Variants in VPS13C observed in about 807,000 individuals in gnomAD.
The protein encoded by VPS13C is intermembrane lipid transfer protein VPS13C.
A neutral mutation model predicts 456.8 loss-of-function variants in VPS13C; 358 were observed. The observed-to-expected ratio is 0.78, with a 90% CI of 0.72 to 0.86. The LOEUF (loss-of-function observed/expected upper bound fraction) is 0.86, where lower values mean the gene tolerates loss of function less well. Ranked by LOEUF, VPS13C falls within the 40% of genes least tolerant of loss-of-function variation. The pLI, the probability that VPS13C is intolerant of heterozygous loss-of-function variation, is 0.00. For synonymous variants in VPS13C, 1,578 were observed against 1,486.7 expected (o/e 1.06, Z -1.41); for missense variants, 4,818 against 4,385.4 (o/e 1.10, Z -2.79).
At chr15:61,995,295 A>T (rs1469368469) in intron 16 of VPS13C, among the ~76,000 whole-genome samples, 1 of 152,232 alleles carries the variant, frequency 6.6e-6, no homozygotes. Context: ...AAATAGTAGA[A>T]GGGGTCACAA....
chr15:61,896,451 G>A (rs1298547562), intron 66 of VPS13C, among the ~76,000 whole-genome samples: 1 of 152,224 alleles, frequency 6.6e-6, no homozygotes, highest in Non-Finnish European at 1.5e-5. Context: ...AGCGCAAGGG[G>A]TCAGGGAGTT....
intron 73 of VPS13C, among the ~76,000 whole-genome samples, chr15:61,879,707 A>C (rs1981917): frequency 1.3e-5 from 2 of 151,888 alleles, no homozygotes; most frequent in African/African-American, 2.4e-5. Flanking sequence ...ATAAGCATTC[A>C]GTAAATACTT....
intron 27 of VPS13C, 79 bp from the exon 28 acceptor site, chr15:61,969,531 A>G (rs1268213054): frequency 2.1e-6 from 2 of 959,616 alleles, no homozygotes; most frequent in Non-Finnish European, 2.9e-6. Context: ...ATCTTTCTCC[A>G]TACACATCAC....
chr15:61,882,650 T>C lies in VPS13C; in HGVS notation c.9570A>G (p.Glu3190=), dbSNP rs1489902213. The part of the protein sequence containing the change: ...KRDFLSGIQI[E]FKQSSHQRSL... The stretch of plus-strand genomic sequence containing the variant: ...TTCTCTGGTGAGAAGACTGCTTAAA[T>C]TCAATCTGAATTCCTGATAAAAAGT... The change falls in exon 69 of 85, where the codon GAA becomes GAG. Residue 3190 remains glutamate (E), a synonymous_variant. Coordinates refer to ENST00000644861, the MANE Select transcript of VPS13C (RefSeq NM_020821.3). 6.2e-7 allele frequency: 1 copy of C among 1,605,092 alleles called. No homozygotes were observed. Among genetic ancestry groups the C allele is most frequent in the Non-Finnish European group, 8.5e-7 (1 of 1,175,960 alleles).
At chr15:61,897,664 T>G (rs935862768) in intron 66 of VPS13C, among the ~76,000 whole-genome samples, 3 of 152,122 alleles carry the variant, frequency 2.0e-5, no homozygotes, top group Non-Finnish European at 2.9e-5. Flanking sequence ...TGGAACCAAG[T>G]TGGAAAACAC....
chr15:61,955,825 G>A (rs1429884235), intron 37 of VPS13C, among the ~76,000 whole-genome samples: 3 of 152,140 alleles, frequency 2.0e-5, no homozygotes, highest in African/African-American at 7.2e-5. Flanking sequence ...AAAAATAACA[G>A]ATGTTGGCCA....
intron 46 of VPS13C, 37 bp downstream of exon 46, chr15:61,941,726 C>T: frequency 6.5e-7 from 1 of 1,530,212 alleles, no homozygotes; most frequent in Non-Finnish European, 8.8e-7. Context: ...AATCCTATTT[C>T]TAGTAAGCAA....
chr15:61,978,847 A>G, intron 22 of VPS13C, 98 bp from the exon 23 acceptor site: 1 of 1,184,444 alleles, frequency 8.4e-7, no homozygotes, highest in African/African-American at 1.6e-5. Flanking sequence ...TTAGTTAGTT[A>G]AAACCTAACA....
intron 2 of VPS13C, among the ~76,000 whole-genome samples, chr15:62,043,239 C>T (rs771109498): frequency 4.7e-4 from 71 of 152,160 alleles, no homozygotes; most frequent in Non-Finnish European, 8.8e-4. Context: ...CACAAAGACA[C>T]AGAGATATTA....
rs143524855 is a variant in VPS13C, at chr15:61,876,279, A to G, written c.10225-434T>C. Among the ~76,000 whole-genome samples, 1,045 of 152,134 alleles carry G rather than the reference A, an allele frequency of 6.9e-3. 8 individuals are homozygous for G. The highest frequency in any genetic ancestry group is 0.024 in the African/African-American group (1,011 of 41,522). ...GAGACTCCGTCTCTATAAAAACTCA[A>G]AATTTTTTAAAAAGGGAAGTTACAC... On this transcript the variant is annotated intron_variant, in intron 75 of 84. Transcript: ENST00000644861.
intron 54 of VPS13C, 103 bp downstream of exon 54, chr15:61,922,294 T>C (rs2043684261): frequency 7.3e-7 from 1 of 1,375,628 alleles, no homozygotes; most frequent in African/African-American, 1.5e-5. Flanking sequence ...TCTATTCACA[T>C]ATGTACTCAT....
At position 61,927,330 on chromosome 15, in the gene VPS13C, C is replaced by T. The variant is rs1327552831; in HGVS notation, c.6287-10G>A. 1 of 1,607,220 alleles carries T rather than the reference C, an allele frequency of 6.2e-7. No homozygotes were observed. Among genetic ancestry groups the T allele is most frequent in the Non-Finnish European group, 8.5e-7 (1 of 1,175,778 alleles). On this transcript the variant is annotated splice_polypyrimidine_tract_variant and intron_variant, in intron 51 of 84. Transcript: ENST00000644861. ...GGTCTAACAGAGTCATCTGAAGAAACAAGCAACAGGAACCAGAAAAGTTTA... is the reference window on the plus strand; with the variant it reads ...GGTCTAACAGAGTCATCTGAAGAAATAAGCAACAGGAACCAGAAAAGTTTA...
intron 24 of VPS13C, among the ~76,000 whole-genome samples, chr15:61,976,656 T>C (rs925832795): frequency 1.3e-5 from 2 of 152,072 alleles, no homozygotes; most frequent in Non-Finnish European, 2.9e-5. Context: ...GAACATCAAT[T>C]ATATTTCAAT....
chr15:61,995,745 C>T (rs1419819683), intron 16 of VPS13C, among the ~76,000 whole-genome samples: 3 of 152,216 alleles, frequency 2.0e-5, no homozygotes, highest in Admixed American at 6.5e-5. Flanking sequence ...CCATCAGTCA[C>T]GTTTCAGATA....
intron 73 of VPS13C, chr15:61,879,255 A>G (rs1895683370): frequency 6.5e-6 from 1 of 152,680 alleles, no homozygotes; most frequent in East Asian, 1.9e-4. Context: ...CTGAACCATC[A>G]TTAGTGCAAT....
At chr15:61,994,438 T>C (rs1255394337) in intron 16 of VPS13C, among the ~76,000 whole-genome samples, 1 of 152,158 alleles carries the variant, frequency 6.6e-6, no homozygotes, top group Non-Finnish European at 1.5e-5. Context: ...TAATAACTTG[T>C]ACCTTGGGGA....
At position 61,915,761 on chromosome 15, in the gene VPS13C, A is replaced by T. The variant is rs769721679; in HGVS notation, c.8317T>A (p.Trp2773Arg). Residue 2773 changes from tryptophan (W) to arginine (R), a missense_variant, in exon 61 of 85, where the codon TGG becomes AGG. By Grantham distance (101) the Trp-to-Arg change is moderately radical. Transcript: ENST00000644861. ...ACCCGGGTAGTCTTGTTGATTAACC[A>T]ATAGGGACTAAAGACAGACAGCACC... The part of the protein sequence containing the change: ...RMVLSVFSPY[W>R]LINKTTRVLQ... 2 of 1,614,038 alleles carry T rather than the reference A, an allele frequency of 1.2e-6. No homozygotes were observed. The highest frequency in any genetic ancestry group is 2.7e-5 in the African/African-American group (2 of 74,906).
chr15:61,962,684 A>T, intron 33 of VPS13C, 65 bp downstream of exon 33: 3 of 1,356,116 alleles, frequency 2.2e-6, no homozygotes, highest in Non-Finnish European at 3.0e-6. Flanking sequence ...AATAAAATAC[A>T]TTTTACAATA....
At chr15:61,990,950 CTAATATAGTA>C (rs1226844984) in intron 18 of VPS13C, 40 bp downstream of exon 18, 1 of 1,251,834 alleles carries the variant, frequency 8.0e-7, no homozygotes, top group African/African-American at 1.5e-5. Flanking sequence ...CCAATTCAAT[CTAATATAGTA>C]CAATGAGACA....
Sources: gnomAD v4.1 joint callset for allele counts (sites outside exome capture counted in the v4.1 genomes callset) on GRCh38, gnomAD v4.1.1 for gene constraint, MANE v1.5 for transcripts, NCBI Gene and HGNC (gene_info 2026-07-23, HGNC 2026-07-21) for gene names.